The following GLIS3 variants were observed in gnomAD, a reference collection of about 807,000 sequenced individuals.
The protein encoded by GLIS3 is zinc finger protein GLIS3.
Under a neutral mutation model 78.6 loss-of-function variants are expected in GLIS3, and 53 were observed. The ratio of observed to expected loss-of-function variants is 0.67; its 90% CI spans 0.54 to 0.85. GLIS3 has a LOEUF of 0.85. Among genes scored for constraint, GLIS3 ranks in the 40% least tolerant of loss-of-function variants. GLIS3 has a pLI of 0.00. For missense variants in GLIS3, 1,703 were observed against 1,231.1 expected, an observed-to-expected ratio of 1.38 and a Z score of -5.74; for synonymous variants, 684 against 509.9, an observed-to-expected ratio of 1.34 and a Z score of -4.60.
intron 8 of GLIS3, among the ~76,000 whole-genome samples, chr9:3,878,039 A>T (rs919041043): frequency 1.3e-5 from 2 of 152,182 alleles, no homozygotes; most frequent in African/African-American, 4.8e-5. Context: ...GGATGCTGTC[A>T]TCCCAAGCTA....
intron 4 of GLIS3, among the ~76,000 whole-genome samples, chr9:4,058,044 A>C (rs1826292586): frequency 2.0e-5 from 3 of 152,234 alleles, no homozygotes; most frequent in African/African-American, 7.2e-5. Context: ...TGACCTCTCC[A>C]AACAAAGCTA....
intron 2 of GLIS3, among the ~76,000 whole-genome samples, chr9:4,131,886 T>C (rs1449341552): frequency 6.6e-6 from 1 of 152,176 alleles, no homozygotes; most frequent in Admixed American, 6.5e-5. Context: ...TTATTGATAC[T>C]ATGATTGTTA....
intron 9 of GLIS3, among the ~76,000 whole-genome samples, chr9:3,845,326 C>G (rs771808995): frequency 2.0e-5 from 3 of 151,986 alleles, no homozygotes; most frequent in Non-Finnish European, 2.9e-5. Context: ...ATGTGAGGTG[C>G]AGAACGTGAG....
At chr9:4,302,507 C>G (rs1817116353), upstream of GLIS3, among the ~76,000 whole-genome samples, 1 of 152,146 alleles carries the variant, frequency 6.6e-6, no homozygotes, top group Admixed American at 6.5e-5. Context: ...AACTTTTTGC[C>G]CAGTGTCTTA....
chr9:3,889,932 A>AAAAG (rs1456820223), intron 7 of GLIS3, among the ~76,000 whole-genome samples: 5 of 152,224 alleles, frequency 3.3e-5, no homozygotes, highest in Non-Finnish European at 7.3e-5. Context: ...AACCATCATG[A>AAAAG]AAAGACTAGG....
intron 8 of GLIS3, among the ~76,000 whole-genome samples, chr9:3,869,601 G>T (rs1399778930): frequency 6.6e-6 from 1 of 152,308 alleles, no homozygotes; most frequent in Admixed American, 6.5e-5. Context: ...CAGAATTACG[G>T]CTACTGCCCT....
intron 4 of GLIS3, among the ~76,000 whole-genome samples, chr9:3,961,587 A>C (rs1353643561): frequency 6.6e-6 from 1 of 152,238 alleles, no homozygotes; most frequent in African/African-American, 2.4e-5. Flanking sequence ...AGGAAGAAGG[A>C]AACTTGCTGT....
chr9:4,118,609 G>C lies in GLIS3; in HGVS notation c.869C>G (p.Ser290Cys). The C allele has an allele frequency of 6.2e-7, 1 of 1,614,118 alleles. No individual in the cohort carries two copies. Among genetic ancestry groups the C allele is most frequent in the East Asian group, 2.2e-5 (1 of 44,890 alleles). Reference protein sequence around the residue: ...HSPYPSPRHSSTRSHSARSKK... With the variant: ...HSPYPSPRHSCTRSHSARSKK... ...GGAGCGGGCCGAGTGGGACCTGGTGGATGAGTGCCGAGGACTAGGGTAAGG... is the reference window on the plus strand; with the variant it reads ...GGAGCGGGCCGAGTGGGACCTGGTGCATGAGTGCCGAGGACTAGGGTAAGG... The change falls in exon 4 of 11, where the codon TCC (serine) becomes TGC (cysteine). Residue 290 changes from serine to cysteine, a missense_variant. Ser to Cys is a moderately radical substitution (Grantham distance 112, BLOSUM62 -1). Coordinates refer to ENST00000381971, the MANE Select transcript of GLIS3 (RefSeq NM_001042413.2). This position sits in a 1 kb window ranked among gnomAD's most constrained non-coding sequence, Gnocchi z 4.7.
At chr9:3,958,250 C>G (rs1202554715) in intron 4 of GLIS3, among the ~76,000 whole-genome samples, 1 of 152,026 alleles carries the variant, frequency 6.6e-6, no homozygotes, top group African/African-American at 2.4e-5. Flanking sequence ...AACAATAAGG[C>G]TTTTTGAAGA....
chr9:4,401,888 G>A, the GLIS3 span, among the ~76,000 whole-genome samples: 1 of 152,176 alleles, frequency 6.6e-6, no homozygotes, highest in Admixed American at 6.5e-5. Flanking sequence ...TGGCTCCAGG[G>A]AGAGGCCCCT....
At position 4,147,462 on chromosome 9, in the gene GLIS3, G is replaced by C. The variant is rs999691434; in HGVS notation, c.389-21521C>G. On this transcript the variant is annotated intron_variant, in intron 2 of 10. Transcript: ENST00000381971. ...CAGTGTCTGCTTGTGTACCTGTGTG[G>C]GTATAGATTGTTTATATCTTGCCCT... 2.0e-5 allele frequency: 3 copies of C among 152,096 alleles called. No individual in the cohort carries two copies. In the East Asian group the frequency reaches 5.8e-4, roughly 29 times the overall value. The allele number at this position is 152,096 out of a possible 1,614,324, so 9.4% of individuals were successfully genotyped here. A position where few individuals can be genotyped will look rare whatever the true frequency, so the allele number is the denominator to read the frequency against.
chr9:4,009,872 G>A (rs527979925), intron 4 of GLIS3, among the ~76,000 whole-genome samples: 3 of 152,262 alleles, frequency 2.0e-5, no homozygotes, highest in South Asian at 2.1e-4. Flanking sequence ...GGGTCTGGCC[G>A]CCCCGGTCAT....
At chr9:3,900,704 T>C (rs1163350581) in intron 6 of GLIS3, 2 of 152,164 alleles carry the variant, frequency 1.3e-5, no homozygotes, top group African/African-American at 4.8e-5. Flanking sequence ...GATAATTACA[T>C]AAAAATACAC....
chr9:4,216,871 A>T (rs1212283659), intron 2 of GLIS3, among the ~76,000 whole-genome samples: 1 of 152,230 alleles, frequency 6.6e-6, no homozygotes, highest in African/African-American at 2.4e-5. Flanking sequence ...TTATGTTAAA[A>T]ATCAAAACCC....
chr9:4,276,806 C>CT (rs1420473925), intron 2 of GLIS3, among the ~76,000 whole-genome samples: 1 of 152,142 alleles, frequency 6.6e-6, no homozygotes, highest in East Asian at 1.9e-4. Context: ...AAACTGGACC[C>CT]TGTGTAGCTC....
intron 4 of GLIS3, among the ~76,000 whole-genome samples, chr9:3,998,441 T>C (rs1039717631): frequency 9.2e-5 from 14 of 152,078 alleles, no homozygotes; most frequent in African/African-American, 3.4e-4. Flanking sequence ...ATAGTAAAAA[T>C]TGTGGTTTAG....
At chr9:4,204,042 C>T (rs1819632819) in intron 2 of GLIS3, among the ~76,000 whole-genome samples, 1 of 152,148 alleles carries the variant, frequency 6.6e-6, no homozygotes, top group Admixed American at 6.5e-5. Flanking sequence ...TCCTCAGCAT[C>T]ACACAATATA....
chr9:3,994,682 A>C (rs1820600728), intron 4 of GLIS3, among the ~76,000 whole-genome samples: 1 of 152,214 alleles, frequency 6.6e-6, no homozygotes, highest in Non-Finnish European at 1.5e-5. Context: ...CCTCTCCCTG[A>C]TGTCAGCCTG....
chr9:3,971,050 C>T (rs1009471615), intron 4 of GLIS3, among the ~76,000 whole-genome samples: 1 of 138,636 alleles, frequency 7.2e-6, no homozygotes. Flanking sequence ...AAGGAAGGAT[C>T]GAAGGAAGGA....
Sources: allele counts gnomAD v4.1 joint callset (sites outside exome capture counted in the v4.1 genomes callset), GRCh38; gene constraint gnomAD v4.1.1; non-coding constraint Gnocchi (gnomAD v3.1); transcripts MANE v1.5; gene names NCBI Gene and HGNC (gene_info 2026-07-23, HGNC 2026-07-21).